Variants in SMOC1 observed in about 807,000 individuals in gnomAD.
SMOC1 encodes the protein SPARC-related modular calcium-binding protein 1.
SMOC1 carries 22 observed loss-of-function variants against 56.3 expected under a neutral mutation model. The observed-to-expected ratio is 0.39, with a 90% CI of 0.28 to 0.56. SMOC1 has a LOEUF of 0.56. SMOC1 is among the 20% of genes least tolerant of loss of function. The pLI is 0.61. For synonymous variants in SMOC1, 193 were observed against 215.0 expected, an observed-to-expected ratio of 0.90 and a Z score of 0.89; for missense variants, 509 against 565.4, an observed-to-expected ratio of 0.90 and a Z score of 1.01.
intron 10 of SMOC1, among the ~76,000 whole-genome samples, chr14:70,015,029 G>T (rs553565083): frequency 5.2e-4 from 79 of 152,266 alleles, no homozygotes; most frequent in African/African-American, 1.9e-3. Flanking sequence ...CAAAGTGAGT[G>T]CACACAATAG....
chr14:69,988,016 G>A lies in SMOC1; in HGVS notation c.527-4401G>A, dbSNP rs191294409. 2.3e-3 allele frequency among the ~76,000 whole-genome samples: 355 copies of A among 152,258 alleles called. 3 individuals are homozygous for A. The highest frequency in any genetic ancestry group is 0.014 in the Middle Eastern group (4 of 294). On this transcript the variant is annotated intron_variant, in intron 5 of 11. Coordinates refer to ENST00000361956, the MANE Select transcript of SMOC1 (RefSeq NM_001034852.3). ...TTTCCAAAGCTGCTTGCTGCCTCTG[G>A]GACCTTGATCAAATCACTTACTTGC...
At chr14:69,932,446 A>G (rs1402765398) in intron 1 of SMOC1, among the ~76,000 whole-genome samples, 2 of 152,174 alleles carry the variant, frequency 1.3e-5, no homozygotes, top group Non-Finnish European at 2.9e-5. Context: ...GTGCTGAGTG[A>G]AAGGAGTGGT....
At chr14:69,915,651 C>T (rs754016472) in intron 1 of SMOC1, among the ~76,000 whole-genome samples, 2 of 152,346 alleles carry the variant, frequency 1.3e-5, no homozygotes, top group East Asian at 1.9e-4. Context: ...GTCTCCATTA[C>T]GTCCCTGAAA....
chr14:69,897,363 T>C (rs1172492692), intron 1 of SMOC1, among the ~76,000 whole-genome samples: 1 of 152,244 alleles, frequency 6.6e-6, no homozygotes, highest in Non-Finnish European at 1.5e-5. Context: ...TAAGTACTTT[T>C]AATTTGTATA....
At chr14:69,921,684 A>G (rs1219904441) in intron 1 of SMOC1, among the ~76,000 whole-genome samples, 2 of 152,108 alleles carry the variant, frequency 1.3e-5, no homozygotes, top group Non-Finnish European at 2.9e-5. Context: ...CCATTTTTTA[A>G]CATAAGAGCA....
intron 7 of SMOC1, among the ~76,000 whole-genome samples, chr14:70,004,194 C>T (rs764871367): frequency 3.9e-5 from 6 of 152,210 alleles, no homozygotes; most frequent in Non-Finnish European, 8.8e-5. Context: ...TCCATGTTTT[C>T]ATGGCTTGTG....
At chr14:69,930,855 A>T (rs1019720220) in intron 1 of SMOC1, among the ~76,000 whole-genome samples, 1 of 152,190 alleles carries the variant, frequency 6.6e-6, no homozygotes, top group African/African-American at 2.4e-5. Flanking sequence ...GGAACCAGAG[A>T]TGGCGACAGC....
chr14:69,889,053 A>G (rs1406550633), intron 1 of SMOC1, among the ~76,000 whole-genome samples: 1 of 152,180 alleles, frequency 6.6e-6, no homozygotes, highest in Admixed American at 6.5e-5. Context: ...TGGCTATTGA[A>G]TATTTGAAAT....
chr14:70,005,239 TG>T (rs1367519231), intron 7 of SMOC1, among the ~76,000 whole-genome samples: 4 of 152,260 alleles, frequency 2.6e-5, no homozygotes, highest in African/African-American at 9.6e-5. Context: ...GACTAAACTC[TG>T]GGCTAAAATC....
chr14:69,885,220 G>A, intron 1 of SMOC1: 1 of 636,390 alleles, frequency 1.6e-6, no homozygotes, highest in South Asian at 2.4e-5. Context: ...TTTCTACAGA[G>A]CATTCTTTTT....
At chr14:69,983,613 G>C (rs1413983524) in intron 5 of SMOC1, among the ~76,000 whole-genome samples, 1 of 152,236 alleles carries the variant, frequency 6.6e-6, no homozygotes, top group African/African-American at 2.4e-5. Context: ...TCTAAGGAAA[G>C]CCCCTTGGAG....
At chr14:69,967,140 C>G (rs948324223) in intron 3 of SMOC1, among the ~76,000 whole-genome samples, 3 of 152,200 alleles carry the variant, frequency 2.0e-5, no homozygotes, top group African/African-American at 7.2e-5. Context: ...ACCATCAACT[C>G]ATAAAAAATG....
chr14:70,018,884 C>T lies in SMOC1; in HGVS notation c.1047-4319C>T, dbSNP rs187670313. 5.9e-5 allele frequency among the ~76,000 whole-genome samples: 9 copies of T among 152,366 alleles called. No individual in the cohort carries two copies. In the East Asian group the frequency reaches 9.6e-4, roughly 16 times the overall value. ...TGACTTGGCATTTCCCAGCCGCACC[C>T]GCACAGCTGGCGGGGCCTGGACCCA... is the stretch of plus-strand genomic sequence containing the variant. On this transcript the variant is annotated intron_variant, in intron 10 of 11. Coordinates refer to ENST00000361956, the MANE Select transcript of SMOC1 (RefSeq NM_001034852.3).
chr14:69,934,696 C>T (rs937826485), intron 1 of SMOC1, among the ~76,000 whole-genome samples: 16 of 152,186 alleles, frequency 1.1e-4, no homozygotes, highest in Non-Finnish European at 1.9e-4. Context: ...ATCTTCTTTA[C>T]TAAATTATGC....
chr14:69,984,827 A>G lies in SMOC1; in HGVS notation c.526+6862A>G, dbSNP rs575210392. 2.9e-4 allele frequency among the ~76,000 whole-genome samples: 44 copies of G among 152,046 alleles called. No homozygotes were observed. In the Middle Eastern group the frequency reaches 0.01, roughly 36 times the overall value. On this transcript the variant is annotated intron_variant, in intron 5 of 11. Transcript: ENST00000361956. ...AGCCGAGATCGCGCCACTGCACTCC[A>G]GCCTGGATGACAGAGCGAGACTCCA...
intron 1 of SMOC1, chr14:69,885,323 A>G (rs1594785400): frequency 1.5e-6 from 2 of 1,341,942 alleles, no homozygotes; most frequent in East Asian, 4.6e-5. Context: ...ATGTACAGAA[A>G]ACTCAACAGT....
intron 3 of SMOC1, among the ~76,000 whole-genome samples, chr14:69,954,588 C>T (rs556750989): frequency 9.2e-5 from 14 of 152,212 alleles, no homozygotes; most frequent in South Asian, 8.3e-4. Flanking sequence ...GCAGCCTGGG[C>T]GGTGGGCAGC....
chr14:69,953,696 C>T (rs889516424), intron 3 of SMOC1, among the ~76,000 whole-genome samples, 164 bp downstream of exon 3: 4 of 152,196 alleles, frequency 2.6e-5, no homozygotes, highest in East Asian at 1.9e-4. Flanking sequence ...TGGCCCTCCC[C>T]GTCCCTCCAT....
intron 1 of SMOC1, among the ~76,000 whole-genome samples, chr14:69,944,866 G>A (rs145501204): frequency 1.0e-3 from 156 of 152,244 alleles, no homozygotes; most frequent in African/African-American, 3.5e-3. Flanking sequence ...AGCCATACTG[G>A]TATATCCTCT....
Sources: allele counts gnomAD v4.1 joint callset (sites outside exome capture counted in the v4.1 genomes callset), GRCh38; gene constraint gnomAD v4.1.1; transcripts MANE v1.5; gene names NCBI Gene and HGNC (gene_info 2026-07-23, HGNC 2026-07-21).